The following OCA2 variants were observed in gnomAD, a reference collection of about 807,000 sequenced individuals.
OCA2 encodes P protein.
In OCA2, 77 loss-of-function variants were observed where a neutral mutation model predicts 100.2. The ratio of observed to expected loss-of-function variants is 0.77; its 90% CI spans 0.64 to 0.93. The LOEUF is 0.93. OCA2 is among the 40% of genes least tolerant of loss of function. The pLI is 0.00. For missense variants in OCA2, 1,062 were observed against 1,089.1 expected (o/e 0.98, Z 0.35); for synonymous variants, 432 against 439.2 (o/e 0.98, Z 0.21).
intron 23 of OCA2, among the ~76,000 whole-genome samples, chr15:27,816,011 G>A (rs1310593678): frequency 3.9e-5 from 6 of 152,152 alleles, no homozygotes; most frequent in African/African-American, 1.4e-4. Context: ...GTGGGTGCCT[G>A]TAGTCCCAGC....
intron 2 of OCA2, among the ~76,000 whole-genome samples, chr15:28,049,106 A>G (rs1457077187): frequency 6.6e-6 from 1 of 152,194 alleles, no homozygotes; most frequent in Non-Finnish European, 1.5e-5. Flanking sequence ...AGTATCCAAT[A>G]TTTTAAAAAC....
At chr15:28,060,585 G>A (rs72712693) in intron 2 of OCA2, among the ~76,000 whole-genome samples, 10 of 152,240 alleles carry the variant, frequency 6.6e-5, no homozygotes, top group Non-Finnish European at 1.0e-4. Flanking sequence ...CTCCATAGAA[G>A]CAGCAAAAAC....
intron 19 of OCA2, among the ~76,000 whole-genome samples, chr15:27,872,575 G>T (rs921087595): frequency 3.3e-5 from 5 of 152,222 alleles, no homozygotes; most frequent in East Asian, 1.9e-4. Context: ...GGTGCCGGTG[G>T]CTCAGCTGCC....
At chr15:27,953,178 T>C (rs948111136) in intron 17 of OCA2, among the ~76,000 whole-genome samples, 2 of 152,324 alleles carry the variant, frequency 1.3e-5, no homozygotes, top group East Asian at 3.9e-4. Flanking sequence ...TATAGACATA[T>C]AGATATATAG....
At chr15:27,889,579 G>A (rs752385026) in intron 19 of OCA2, among the ~76,000 whole-genome samples, 25 of 152,310 alleles carry the variant, frequency 1.6e-4, no homozygotes, top group South Asian at 1.0e-3. Flanking sequence ...CTGAGTCACC[G>A]TGGGAAAGTG....
rs1267970482 is a variant in OCA2, at chr15:28,025,764, T to G, written c.516-862A>C. 2.0e-5 allele frequency among the ~76,000 whole-genome samples: 3 copies of G among 152,228 alleles called. No individual in the cohort carries two copies. The East Asian group carries it at 5.8e-4, about 29-fold the overall frequency. ...AGCGTTTTTGCTTTGTCCCCACACA[T>G]GGAAGGATGCTGGTACATAGCCCAT... On this transcript the variant is annotated intron_variant, in intron 4 of 23. Transcript: ENST00000354638.
intron 23 of OCA2, among the ~76,000 whole-genome samples, chr15:27,756,105 A>G (rs946305305): frequency 7.2e-5 from 11 of 152,246 alleles, no homozygotes; most frequent in Non-Finnish European, 2.9e-5. Flanking sequence ...ACATCTCCAC[A>G]AATTCCTACC....
At chr15:27,969,761 C>T (rs953770815) in intron 14 of OCA2, among the ~76,000 whole-genome samples, 6 of 152,092 alleles carry the variant, frequency 3.9e-5, no homozygotes, top group South Asian at 4.1e-4. Flanking sequence ...TAAGGGGACA[C>T]GCCTGAGGGA....
chr15:28,006,445 C>A (rs1411040737), intron 9 of OCA2, among the ~76,000 whole-genome samples: 1 of 152,338 alleles, frequency 6.6e-6, no homozygotes, highest in East Asian at 1.9e-4. Context: ...TGTGGCTACT[C>A]ACTTTGAGAA....
intron 23 of OCA2, among the ~76,000 whole-genome samples, chr15:27,779,483 G>C (rs2032422108): frequency 6.6e-6 from 1 of 151,952 alleles, no homozygotes; most frequent in Admixed American, 6.6e-5. Context: ...ATATATTTTG[G>C]GTGGATTGAC....
At position 27,982,556 on chromosome 15, in the gene OCA2, G is replaced by A. The variant is rs955142356; in HGVS notation, c.1503+789C>T. On this transcript the variant is annotated intron_variant, in intron 14 of 23. Coordinates refer to ENST00000354638, the MANE Select transcript of OCA2 (RefSeq NM_000275.3). Reference sequence around the variant, plus strand: ...GAGCCATACCCAGAACCTCTGGAGCGCACTGCTTCCATGAAGCGGCCATTA... The same window carrying A: ...GAGCCATACCCAGAACCTCTGGAGCACACTGCTTCCATGAAGCGGCCATTA... Among the ~76,000 whole-genome samples, 16 of 152,270 alleles carry A rather than the reference G, an allele frequency of 1.1e-4. 1 individual carries two copies. Among genetic ancestry groups the A allele is most frequent in the Middle Eastern group, 6.8e-3 (2 of 292 alleles).
intron 18 of OCA2, among the ~76,000 whole-genome samples, chr15:27,936,034 C>G (rs1041206465): frequency 7.2e-5 from 11 of 152,204 alleles, no homozygotes; most frequent in Non-Finnish European, 1.5e-4. Context: ...ATATACAGTA[C>G]AAACCACCCT....
chr15:27,883,774 G>GC (rs1395921872), intron 19 of OCA2, among the ~76,000 whole-genome samples: 5 of 152,184 alleles, frequency 3.3e-5, no homozygotes, highest in Non-Finnish European at 5.9e-5. Flanking sequence ...TTTATTGGAT[G>GC]CCCTGCAGCC....
intron 14 of OCA2, among the ~76,000 whole-genome samples, chr15:27,969,190 T>C (rs2040684721): frequency 6.6e-6 from 1 of 151,110 alleles, no homozygotes; most frequent in Non-Finnish European, 1.5e-5. Context: ...CCATTTGAAA[T>C]GTTGGGGCAA....
intron 1 of OCA2, among the ~76,000 whole-genome samples, chr15:28,088,518 C>A (rs112880186): frequency 6.6e-6 from 1 of 152,054 alleles, no homozygotes; most frequent in Non-Finnish European, 1.5e-5. Flanking sequence ...AATTCACCCC[C>A]GATATTTCAT....
intron 22 of OCA2, 78 bp downstream of exon 22, chr15:27,851,304 T>C (rs186103718): frequency 1.8e-6 from 2 of 1,142,506 alleles, no homozygotes; most frequent in Admixed American, 3.7e-5. Context: ...TTTAATCTGA[T>C]ACACACTAAC....
chr15:28,025,458 C>A (rs895736462), intron 4 of OCA2, among the ~76,000 whole-genome samples: 2 of 152,154 alleles, frequency 1.3e-5, no homozygotes, highest in African/African-American at 4.8e-5. Flanking sequence ...CAAAGCCATC[C>A]CGGCCCCCTT....
chr15:27,850,639 G>A (rs1382967935), intron 22 of OCA2, among the ~76,000 whole-genome samples: 2 of 152,136 alleles, frequency 1.3e-5, no homozygotes, highest in Admixed American at 1.3e-4. Context: ...TTCAGCCAAG[G>A]AGATAAACTA....
chr15:27,731,150 A>C, the OCA2 span, among the ~76,000 whole-genome samples: 1 of 152,186 alleles, frequency 6.6e-6, no homozygotes, highest in Non-Finnish European at 1.5e-5. Flanking sequence ...AACAGCTTGC[A>C]CAGGCATATT....
Sources: gnomAD v4.1 joint callset for allele counts (sites outside exome capture counted in the v4.1 genomes callset) on GRCh38, gnomAD v4.1.1 for gene constraint, MANE v1.5 for transcripts, NCBI Gene and HGNC (gene_info 2026-07-23, HGNC 2026-07-21) for gene names.